The following ARMC9 variants were observed in gnomAD, a reference collection of about 807,000 sequenced individuals.
ARMC9 encodes armadillo repeat containing 9.
In ARMC9, 94 loss-of-function variants were observed where a neutral mutation model predicts 107.0. That is an observed-to-expected ratio of 0.88 (90% CI 0.74 to 1.04). The LOEUF (loss-of-function observed/expected upper bound fraction) is 1.04, where lower values mean the gene tolerates loss of function less well. Among genes scored for constraint, ARMC9 ranks in the 50% least tolerant of loss-of-function variants. The pLI is 0.00. For synonymous variants in ARMC9, 380 were observed against 396.9 expected (o/e 0.96, Z 0.51); for missense variants, 942 against 1,030.1 (o/e 0.91, Z 1.17).
Position 231,222,660 on chromosome 2 carries a change from C to T in ARMC9, c.505-68C>T, listed in dbSNP as rs1003239034. 5.6e-6 allele frequency: 5 copies of T among 898,610 alleles called. No homozygotes were observed. In the African/African-American group the frequency reaches 6.8e-5, roughly 12 times the overall value. The allele number at this position is 898,610 out of a possible 1,614,324, so 55.7% of individuals were successfully genotyped here. A position where few individuals can be genotyped will look rare whatever the true frequency, so the allele number is the denominator to read the frequency against. ...GTGCAGGGTTTTTTAGCCTAATGAC[C>T]TCAACTTGATGATGCTATTGGTACT... On this transcript the variant is annotated intron_variant, in intron 5 of 24. Transcript: ENST00000611582.
At chr2:231,235,433 T>A (rs756325249) in intron 8 of ARMC9, 52 bp downstream of exon 8, 1 of 1,602,930 alleles carries the variant, frequency 6.2e-7, no homozygotes, top group Admixed American at 1.7e-5. Context: ...GAAGAAGGCT[T>A]ATAGGCATGG....
At chr2:231,279,874 C>T (rs1240939062) in intron 16 of ARMC9, among the ~76,000 whole-genome samples, 1 of 152,118 alleles carries the variant, frequency 6.6e-6, no homozygotes. Context: ...TTACACCAGC[C>T]CTATCCACTG....
At chr2:231,343,724 A>G (rs2044654221) in intron 20 of ARMC9, among the ~76,000 whole-genome samples, 1 of 152,142 alleles carries the variant, frequency 6.6e-6, no homozygotes, top group African/African-American at 2.4e-5. Context: ...AGCCACCCTA[A>G]TCATGTTAAG....
chr2:231,302,437 G>GTTT lies in ARMC9; in HGVS notation c.1773+6207_1773+6209dup, dbSNP rs56032700. Among the ~76,000 whole-genome samples the GTTT allele has an allele frequency of 6.5e-3, 379 of 58,080 alleles. 1 individual carries two copies. The highest frequency in any genetic ancestry group is 0.026 in the East Asian group (44 of 1,674). The allele number at this position is 58,080 out of a possible 152,430, so 38.1% of individuals were successfully genotyped here. On this transcript the variant is annotated intron_variant, in intron 19 of 24. Coordinates refer to ENST00000611582, the MANE Select transcript of ARMC9 (RefSeq NM_001352754.2). The stretch of plus-strand genomic sequence containing the variant: ...TGAAAAAGTGTAGCATTGTGGGTTT[G>GTTT]TTTTTTTTTTTTTTTTTTTTTTTTT...
At chr2:231,265,451 T>C (rs1280743017) in intron 12 of ARMC9, among the ~76,000 whole-genome samples, 3 of 152,174 alleles carry the variant, frequency 2.0e-5, no homozygotes, top group Non-Finnish European at 4.4e-5. Context: ...TGCTGCAATT[T>C]GGATGGAGCT....
At chr2:231,272,723 C>T (rs970098156) in intron 13 of ARMC9, among the ~76,000 whole-genome samples, 2 of 152,006 alleles carry the variant, frequency 1.3e-5, no homozygotes, top group Non-Finnish European at 1.5e-5. Flanking sequence ...ACCATGTTGG[C>T]CAGGCTGGTC....
chr2:231,251,567 G>A (rs76382570), intron 9 of ARMC9, among the ~76,000 whole-genome samples: 2 of 152,278 alleles, frequency 1.3e-5, no homozygotes, highest in African/African-American at 2.4e-5. Flanking sequence ...GGAGTTATTC[G>A]GTCATTTATC....
Position 231,256,583 on chromosome 2 carries a change from C to G in ARMC9, c.880-3C>G, listed in dbSNP as rs750869801. ...CTGTTTTCTTCTGTCCTCTTCCCCC[C>G]AGGCATCCACCATGTTACGAGCCTC... is the stretch of plus-strand genomic sequence containing the variant. On this transcript the variant is annotated splice_polypyrimidine_tract_variant and splice_region_variant and intron_variant, in intron 9 of 24. Coordinates refer to ENST00000611582, the MANE Select transcript of ARMC9 (RefSeq NM_001352754.2). 4 of 1,613,954 alleles carry G rather than the reference C, an allele frequency of 2.5e-6. No individual in the cohort carries two copies. Among genetic ancestry groups the G allele is most frequent in the Admixed American group, 1.7e-5 (1 of 60,004 alleles).
intron 3 of ARMC9, among the ~76,000 whole-genome samples, chr2:231,208,475 G>A (rs1343415777): frequency 6.6e-6 from 1 of 152,220 alleles, no homozygotes; most frequent in East Asian, 1.9e-4. Context: ...CATTTCTTGG[G>A]AAGAAGGAAA....
At chr2:231,235,519 G>A in intron 8 of ARMC9, 138 bp downstream of exon 8, 1 of 987,366 alleles carries the variant, frequency 1.0e-6, no homozygotes, top group Admixed American at 3.1e-5. Flanking sequence ...ATTTCCAAAA[G>A]CCAACATGCA....
chr2:231,314,773 G>A (rs2042567409), intron 19 of ARMC9, among the ~76,000 whole-genome samples: 1 of 152,174 alleles, frequency 6.6e-6, no homozygotes, highest in Non-Finnish European at 1.5e-5. Flanking sequence ...CCTTCTAAGG[G>A]CTTTGTTGTT....
At chr2:231,273,678 G>A (rs151334250) in intron 14 of ARMC9, among the ~76,000 whole-genome samples, 2,629 of 152,224 alleles carry the variant, frequency 0.017, 81 homozygotes, top group African/African-American at 0.061. Flanking sequence ...GCCCCCCAAA[G>A]TGCTGGAATT....
At chr2:231,224,185 G>A (rs562141979) in intron 6 of ARMC9, among the ~76,000 whole-genome samples, 15 of 152,192 alleles carry the variant, frequency 9.9e-5, no homozygotes, top group Non-Finnish European at 1.6e-4. Context: ...CGTGGCTCAC[G>A]CCTGTAATCC....
intron 7 of ARMC9, among the ~76,000 whole-genome samples, chr2:231,227,199 A>G (rs1480034205): frequency 6.6e-6 from 1 of 152,232 alleles, no homozygotes; most frequent in African/African-American, 2.4e-5. Context: ...TCGAAGACAT[A>G]TGGAGTACCC....
At chr2:231,285,365 A>C (rs2040514486) in intron 17 of ARMC9, among the ~76,000 whole-genome samples, 1 of 152,032 alleles carries the variant, frequency 6.6e-6, no homozygotes, top group East Asian at 1.9e-4. Context: ...TAAGTAGATG[A>C]TGGGGCACGG....
intron 17 of ARMC9, chr2:231,288,747 C>A: frequency 2.1e-6 from 1 of 470,986 alleles, no homozygotes; most frequent in Non-Finnish European, 4.4e-6. Flanking sequence ...CAGGGCCACA[C>A]GGCCGGCGAG....
intron 7 of ARMC9, among the ~76,000 whole-genome samples, chr2:231,231,837 C>T (rs1193336803): frequency 2.0e-5 from 3 of 149,854 alleles, no homozygotes; most frequent in Admixed American, 6.7e-5. Context: ...TACAAGAGTG[C>T]GCCACCATGC....
intron 12 of ARMC9, among the ~76,000 whole-genome samples, chr2:231,268,336 T>C (rs961076900): frequency 1.3e-5 from 2 of 152,102 alleles, no homozygotes; most frequent in African/African-American, 4.8e-5. Context: ...CCTGTGTAGA[T>C]GCTATACTTC....
At chr2:231,238,250 G>A (rs1208427902) in intron 8 of ARMC9, among the ~76,000 whole-genome samples, 2 of 152,066 alleles carry the variant, frequency 1.3e-5, no homozygotes, top group African/African-American at 4.8e-5. Context: ...AGACGGGAAA[G>A]GTATGTTTTT....
Sources: allele counts gnomAD v4.1 joint callset (sites outside exome capture counted in the v4.1 genomes callset), GRCh38; gene constraint gnomAD v4.1.1; transcripts MANE v1.5; gene names NCBI Gene and HGNC (gene_info 2026-07-23, HGNC 2026-07-21).